ITPRIP: variants seen among roughly 807,000 people sequenced by gnomAD.
ITPRIP encodes inositol 1,4,5-trisphosphate receptor-interacting protein.
In ITPRIP, 32 loss-of-function variants were observed where a neutral mutation model predicts 35.8. That is an observed-to-expected ratio of 0.89 (90% CI 0.68 to 1.20). ITPRIP has a LOEUF of 1.20. ITPRIP is among the 50% of genes most tolerant of loss of function. The pLI is 0.00. For synonymous variants in ITPRIP, 358 were observed against 324.0 expected (o/e 1.11, Z -1.13); for missense variants, 653 against 735.6 (o/e 0.89, Z 1.30).
chr10:104,314,907 A>G lies in ITPRIP; in HGVS notation c.1145T>C (p.Leu382Pro), dbSNP rs770577962. Residue 382 changes from leucine (L) to proline (P), a missense_variant, in exon 2 of 2, where the codon CTG (leucine) becomes CCG (proline). Transcript: ENST00000337478. The part of the protein sequence containing the change: ...GTPASSTDWL[L>P]SFAVYERHFL... ...GTGTCGCTCATAGACAGCAAAGGACAGGAGCCAGTCTGTGCTGGAGGCTGG... is the reference window on the plus strand; with the variant it reads ...GTGTCGCTCATAGACAGCAAAGGACGGGAGCCAGTCTGTGCTGGAGGCTGG... The G allele has an allele frequency of 1.2e-5, 20 of 1,613,558 alleles. No homozygotes were observed. The African/African-American group carries it at 2.7e-4, about 22-fold the overall frequency.
chr10:104,335,521 C>G (rs909615694), intron 1 of ITPRIP, among the ~76,000 whole-genome samples: 1 of 152,194 alleles, frequency 6.6e-6, no homozygotes, highest in Non-Finnish European at 1.5e-5. Flanking sequence ...GGATCTGCCA[C>G]CTCACACCGC....
intron 1 of ITPRIP, among the ~76,000 whole-genome samples, chr10:104,319,735 C>T (rs1200245294): frequency 6.6e-6 from 1 of 151,990 alleles, no homozygotes; most frequent in Non-Finnish European, 1.5e-5. Context: ...CTTCCCAAAC[C>T]CAGTCACAGG....
In ITPRIP at chr10:104,320,535, ATTT is replaced by A. The variant is rs34369154; in HGVS notation, c.-13-4474_-13-4472del. ...ATGCATTGATGGAGGTCTGCCTGTA[ATTT>A]TTTTTTTTTTTTTTTTTGAGACTAA... On this transcript the variant is annotated intron_variant, in intron 1 of 1. Coordinates refer to ENST00000337478, the MANE Select transcript of ITPRIP (RefSeq NM_001272013.2). Among the ~76,000 whole-genome samples the A allele has an allele frequency of 4.4e-3, 584 of 131,638 alleles. 5 individuals are homozygous for A. Among genetic ancestry groups the A allele is most frequent in the African/African-American group, 0.015 (541 of 34,990 alleles). The allele number at this position is 131,638 out of a possible 152,430, so 86.4% of individuals were successfully genotyped here.
chr10:104,314,163 C>A lies in ITPRIP; in HGVS notation c.*245G>T. Reference sequence around the variant, plus strand: ...TTCATGGTGATCCAGAAGTAAACTGCAAGGGATCAGTCCCTAAACCCAAAT... The same window carrying A: ...TTCATGGTGATCCAGAAGTAAACTGAAAGGGATCAGTCCCTAAACCCAAAT... On this transcript the variant is annotated 3_prime_UTR_variant, in exon 2 of 2. Coordinates refer to ENST00000337478, the MANE Select transcript of ITPRIP (RefSeq NM_001272013.2). The A allele has an allele frequency of 7.7e-7, 1 of 1,296,478 alleles. No individual in the cohort carries two copies. Among genetic ancestry groups the A allele is most frequent in the Admixed American group, 3.7e-5 (1 of 26,948 alleles). The allele number at this position is 1,296,478 out of a possible 1,614,324, so 80.3% of individuals were successfully genotyped here.
intron 1 of ITPRIP, among the ~76,000 whole-genome samples, chr10:104,327,924 T>A (rs1247129192): frequency 6.6e-6 from 1 of 152,184 alleles, no homozygotes; most frequent in East Asian, 1.9e-4. Flanking sequence ...TCTGTCTTTG[T>A]CTTGCCCCAT....
Position 104,316,052 on chromosome 10 carries a change from G to A in ITPRIP, c.-1C>T, listed in dbSNP as rs1303575434. The A allele has an allele frequency of 2.6e-6, 4 of 1,564,908 alleles. No homozygotes were observed. The highest frequency in any genetic ancestry group is 1.2e-5 in the South Asian group (1 of 84,544). On this transcript the variant is annotated 5_prime_UTR_variant, in exon 2 of 2. Transcript: ENST00000337478. ...ACACGCGGAAGAGCCCCATGGCCAT[G>A]GTTGGAGCTTTCCTGGGAACAGAGA...
At chr10:104,323,898 T>C (rs2013919399) in intron 1 of ITPRIP, 1 of 153,674 alleles carries the variant, frequency 6.5e-6, no homozygotes, top group African/African-American at 2.4e-5. Context: ...TTCCTGCTCT[T>C]TACTGTGTCA....
chr10:104,315,670 C>A lies in ITPRIP; in HGVS notation c.382G>T (p.Gly128Cys). 1.9e-6 allele frequency: 3 copies of A among 1,612,700 alleles called. No individual in the cohort carries two copies. The highest frequency in any genetic ancestry group is 2.5e-6 in the Non-Finnish European group (3 of 1,179,874). ...AGGGTGAGGCCCTGCAAGGGGGCGC[C>A]CCCCAGCCCAGGCAGCTCATCCTCC... ...GEEDELPGLG[G>C]APLQGLTLPN... Residue 128 changes from glycine to cysteine, a missense_variant, in exon 2 of 2, where the codon GGC (glycine) becomes TGC (cysteine). Gly to Cys is a radical substitution (Grantham distance 159). Transcript: ENST00000337478. This position sits in a 1 kb window ranked among gnomAD's most constrained non-coding sequence, Gnocchi z 5.7.
intron 1 of ITPRIP, among the ~76,000 whole-genome samples, chr10:104,334,063 C>G (rs1405367270): frequency 2.6e-5 from 4 of 152,114 alleles, no homozygotes; most frequent in Non-Finnish European, 5.9e-5. Context: ...ACTGAGAACG[C>G]CCAACCACCG....
chr10:104,326,852 T>C lies in ITPRIP; in HGVS notation c.-13-10788A>G, dbSNP rs2014028059. 1 of 152,100 alleles carries C rather than the reference T, an allele frequency of 6.6e-6. No homozygotes were observed. The highest frequency in any genetic ancestry group is 2.4e-5 in the African/African-American group (1 of 41,356). The allele number at this position is 152,100 out of a possible 1,614,324, so 9.4% of individuals were successfully genotyped here. ...AGGTGAGGGGAGACGGAGGCCAGGA[T>C]GGGAGTGACGCTGCCACAGCTGAGC... is the stretch of plus-strand genomic sequence containing the variant. On this transcript the variant is annotated intron_variant, in intron 1 of 1. Transcript: ENST00000337478. The surrounding 1 kb of genome is among the most constrained non-coding windows in gnomAD (Gnocchi z 4.8).
chr10:104,336,414 T>C (rs983314868), intron 1 of ITPRIP, among the ~76,000 whole-genome samples: 13 of 144,198 alleles, frequency 9.0e-5, no homozygotes, highest in African/African-American at 3.3e-4. Context: ...TCAACCCTAC[T>C]GGGGCAGACT....
intron 1 of ITPRIP, among the ~76,000 whole-genome samples, chr10:104,324,998 G>T (rs1309517033): frequency 6.6e-6 from 1 of 152,160 alleles, no homozygotes; most frequent in South Asian, 2.1e-4. Flanking sequence ...CAGATGGATC[G>T]CCTGAGCTCA....
At chr10:104,325,047 G>A (rs147539619) in intron 1 of ITPRIP, among the ~76,000 whole-genome samples, 24 of 152,208 alleles carry the variant, frequency 1.6e-4, no homozygotes, top group African/African-American at 5.1e-4. Context: ...GCGAAGCCCC[G>A]TCTCTACCAA....
chr10:104,317,919 T>A (rs1205564400), intron 1 of ITPRIP, among the ~76,000 whole-genome samples: 2 of 152,226 alleles, frequency 1.3e-5, no homozygotes, highest in Non-Finnish European at 2.9e-5. Context: ...ACTCAGACAG[T>A]TCCACCCCAT....
rs276224 is a variant in ITPRIP, at chr10:104,326,019, C to A, written c.-13-9955G>T. ...CACCGAGCCGGTGGGGAAGTACACG[C>A]GGGGCAGAAGCTGCCTTTTTTTGCT... is the stretch of plus-strand genomic sequence containing the variant. On this transcript the variant is annotated intron_variant, in intron 1 of 1. Transcript: ENST00000337478. The surrounding 1 kb of genome is among the most constrained non-coding windows in gnomAD (Gnocchi z 4.8). Among the ~76,000 whole-genome samples, 15,916 of 152,146 alleles carry A rather than the reference C, an allele frequency of 0.1. 1,792 individuals carry two copies. Among genetic ancestry groups the A allele is most frequent in the African/African-American group, 0.28 (11,792 of 41,464 alleles).
At position 104,337,490 on chromosome 10, in the gene ITPRIP, TTTTTTC is replaced by T. The variant is rs554502164; in HGVS notation, c.-14+750_-14+755del. On this transcript the variant is annotated intron_variant, in intron 1 of 1. Coordinates refer to ENST00000337478, the MANE Select transcript of ITPRIP (RefSeq NM_001272013.2). Reference sequence around the variant, plus strand: ...TTTTACCTTCCTGGTCGGTGGCTTTTTTTTTCTTTTTCTTTTTCTTTTTTTAAGAGA... The same window carrying T: ...TTTTACCTTCCTGGTCGGTGGCTTTTTTTTTCTTTTTCTTTTTTTAAGAGA... Among the ~76,000 whole-genome samples, 30 of 152,248 alleles carry T rather than the reference TTTTTTC, an allele frequency of 2.0e-4. No homozygotes were observed. The South Asian group carries it at 4.1e-3, about 21-fold the overall frequency.
chr10:104,320,674 A>G (rs368485861), intron 1 of ITPRIP, among the ~76,000 whole-genome samples: 1 of 151,652 alleles, frequency 6.6e-6, no homozygotes, highest in South Asian at 2.1e-4. Context: ...AGTAGCTGGG[A>G]CTACAGGCAT....
rs2135169353 is a variant in ITPRIP at position 104,311,069 on chromosome 10, A to G, written c.*3339T>C. ...ATTTTCCCATCTTCCACAATGTCTCATGCACGTTAGGCTCCTGACAAATGC... is the reference window on the plus strand; with the variant it reads ...ATTTTCCCATCTTCCACAATGTCTCGTGCACGTTAGGCTCCTGACAAATGC... On this transcript the variant is annotated 3_prime_UTR_variant, in exon 2 of 2. Coordinates refer to ENST00000337478, the MANE Select transcript of ITPRIP (RefSeq NM_001272013.2). 1 of 152,314 alleles carries G rather than the reference A, an allele frequency of 6.6e-6. No homozygotes were observed. The highest frequency in any genetic ancestry group is 3.4e-3 in the Middle Eastern group (1 of 296). 9.4% of individuals were successfully genotyped at this position (152,314 alleles called of 1,614,324 possible).
rs1474260306 is a variant in ITPRIP at position 104,311,475 on chromosome 10, C to T, written c.*2933G>A. ...TTCAAGGCGGGGTCGGGGCAATGGA[C>T]CAGGTTGTCTGGGTGATTCGGATGA... On this transcript the variant is annotated 3_prime_UTR_variant, in exon 2 of 2. Transcript: ENST00000337478. The T allele has an allele frequency of 2.0e-5, 3 of 152,216 alleles. No individual in the cohort carries two copies. The highest frequency in any genetic ancestry group is 4.4e-5 in the Non-Finnish European group (3 of 68,118). The allele number at this position is 152,216 out of a possible 1,614,324, so 9.4% of individuals were successfully genotyped here.
Sources: allele counts gnomAD v4.1 joint callset (sites outside exome capture counted in the v4.1 genomes callset), GRCh38; gene constraint gnomAD v4.1.1; non-coding constraint Gnocchi (gnomAD v3.1); transcripts MANE v1.5; gene names NCBI Gene and HGNC (gene_info 2026-07-23, HGNC 2026-07-21).